Variants in TMEM132D observed in about 807,000 individuals in gnomAD.
TMEM132D encodes the protein mature OL transmembrane protein.
A neutral mutation model predicts 62.3 loss-of-function variants in TMEM132D; 21 were observed. The observed-to-expected ratio is 0.34, with a 90% CI of 0.24 to 0.49. TMEM132D has a LOEUF of 0.49. TMEM132D is among the 20% of genes least tolerant of loss of function. The pLI, the probability that TMEM132D is intolerant of heterozygous loss-of-function variation, is 0.99. For synonymous variants in TMEM132D, 621 were observed against 575.6 expected (o/e 1.08, Z -1.13); for missense variants, 1,346 against 1,402.8 (o/e 0.96, Z 0.65).
intron 5 of TMEM132D, among the ~76,000 whole-genome samples, chr12:129,188,766 A>AGGGG (rs1878296712): frequency 3.0e-4 from 1 of 3,320 alleles, no homozygotes; most frequent in Admixed American, 8.5e-3. Flanking sequence ...AGAGAGGGAG[A>AGGGG]GAGAGAGAGA....
At chr12:129,599,327 C>A (rs1000161702) in intron 2 of TMEM132D, among the ~76,000 whole-genome samples, 1 of 152,164 alleles carries the variant, frequency 6.6e-6, no homozygotes, top group Non-Finnish European at 1.5e-5. Flanking sequence ...TATTAGCAAT[C>A]CTTTGTTTAT....
At chr12:129,257,166 A>G (rs7302577) in intron 4 of TMEM132D, among the ~76,000 whole-genome samples, 14,276 of 151,254 alleles carry the variant, frequency 0.094, 844 homozygotes, top group Admixed American at 0.18. Context: ...GGAAGTGGGA[A>G]GCATTTTTAT....
intron 1 of TMEM132D, among the ~76,000 whole-genome samples, chr12:129,710,916 C>T (rs912662356): frequency 6.6e-6 from 1 of 151,318 alleles, no homozygotes; most frequent in Non-Finnish European, 1.5e-5. Flanking sequence ...GCGCACGCTG[C>T]CTCTCCCCTA....
At chr12:129,178,856 G>A (rs1877982575) in intron 5 of TMEM132D, among the ~76,000 whole-genome samples, 1 of 152,204 alleles carries the variant, frequency 6.6e-6, no homozygotes, top group Non-Finnish European at 1.5e-5. Context: ...GTTTGGCCAG[G>A]TGGCTGCTGT....
At chr12:129,490,559 G>C (rs1164672324) in intron 3 of TMEM132D, among the ~76,000 whole-genome samples, 3 of 142,606 alleles carry the variant, frequency 2.1e-5, no homozygotes, top group African/African-American at 8.0e-5. Flanking sequence ...CTCCCGAGTA[G>C]CTGGGACTAC....
chr12:129,125,428 G>T (rs1164772070), intron 5 of TMEM132D, among the ~76,000 whole-genome samples: 1 of 151,216 alleles, frequency 6.6e-6, no homozygotes, highest in African/African-American at 2.4e-5. Context: ...TTCCAACCCT[G>T]TGTAGACTAA....
chr12:129,846,311 G>A (rs1283128100), intron 1 of TMEM132D, among the ~76,000 whole-genome samples: 1 of 152,088 alleles, frequency 6.6e-6, no homozygotes, highest in East Asian at 1.9e-4. Flanking sequence ...AATGCCTTTA[G>A]CATCTCTTTC....
chr12:129,485,647 C>T (rs7306582), intron 3 of TMEM132D, among the ~76,000 whole-genome samples: 34,743 of 152,078 alleles, frequency 0.23, 3,937 homozygotes, highest in Middle Eastern at 0.26. Flanking sequence ...GCAGAGGGCA[C>T]GCCAGAAGCC....
chr12:129,302,736 G>A (rs961355480), intron 4 of TMEM132D, among the ~76,000 whole-genome samples: 16 of 152,306 alleles, frequency 1.1e-4, no homozygotes, highest in Middle Eastern at 6.8e-3. Flanking sequence ...CGTGTTCAGT[G>A]TCACCTCCTT....
intron 1 of TMEM132D, among the ~76,000 whole-genome samples, chr12:129,783,216 G>A (rs1871168580): frequency 6.6e-6 from 1 of 152,102 alleles, no homozygotes; most frequent in South Asian, 2.1e-4. Context: ...CTCTTCAAAT[G>A]TACAACCCTG....
intron 1 of TMEM132D, among the ~76,000 whole-genome samples, chr12:129,765,568 CAAAA>C (rs55638594): frequency 1.2e-3 from 172 of 144,994 alleles, no homozygotes; most frequent in Middle Eastern, 3.4e-3. Context: ...TTGCATCTCC[CAAAA>C]AAAAAAAAAA....
At chr12:129,656,548 C>T (rs1433871921) in intron 2 of TMEM132D, among the ~76,000 whole-genome samples, 1 of 152,126 alleles carries the variant, frequency 6.6e-6, no homozygotes. Flanking sequence ...TACACCTATA[C>T]TAGGTGTGGT....
At chr12:129,147,013 A>G in intron 5 of TMEM132D, among the ~76,000 whole-genome samples, 1 of 152,128 alleles carries the variant, frequency 6.6e-6, no homozygotes, top group East Asian at 1.9e-4. Flanking sequence ...TAAAAAAAGA[A>G]AACTCACGTG....
At chr12:129,167,584 A>C (rs1877603265) in intron 5 of TMEM132D, among the ~76,000 whole-genome samples, 1 of 152,080 alleles carries the variant, frequency 6.6e-6, no homozygotes, top group Non-Finnish European at 1.5e-5. Flanking sequence ...ATGAAGAAAG[A>C]TCAGGGGACC....
intron 3 of TMEM132D, among the ~76,000 whole-genome samples, chr12:129,419,017 C>G (rs548750531): frequency 6.6e-6 from 1 of 152,192 alleles, no homozygotes; most frequent in Non-Finnish European, 1.5e-5. Context: ...GAGCCTTCCA[C>G]GGGAGCAGGG....
At chr12:129,503,983 A>ATCATCATCACTATTG (rs1875245982) in intron 3 of TMEM132D, among the ~76,000 whole-genome samples, 1 of 64,038 alleles carries the variant, frequency 1.6e-5, no homozygotes, top group African/African-American at 1.3e-4. Flanking sequence ...CACTATTGTC[A>ATCATCATCACTATTG]TCATCATCAT....
intron 5 of TMEM132D, among the ~76,000 whole-genome samples, chr12:129,156,366 C>A (rs1447994121): frequency 2.0e-5 from 3 of 152,056 alleles, no homozygotes; most frequent in Non-Finnish European, 4.4e-5. Context: ...AGATAAATAA[C>A]CCACTCCCAA....
At chr12:129,343,653 T>G (rs1388551005) in intron 3 of TMEM132D, among the ~76,000 whole-genome samples, 1 of 152,122 alleles carries the variant, frequency 6.6e-6, no homozygotes, top group Admixed American at 6.5e-5. Context: ...GGCTCATGCC[T>G]GTAATCCCAG....
intron 2 of TMEM132D, among the ~76,000 whole-genome samples, chr12:129,558,687 T>G (rs982566421): frequency 6.6e-6 from 1 of 152,154 alleles, no homozygotes; most frequent in Non-Finnish European, 1.5e-5. Context: ...CAGAAGAGAA[T>G]GTAAAGGGAG....
Sources: allele counts gnomAD v4.1 joint callset (sites outside exome capture counted in the v4.1 genomes callset), GRCh38; gene constraint gnomAD v4.1.1; transcripts MANE v1.5; gene names NCBI Gene and HGNC (gene_info 2026-07-23, HGNC 2026-07-21).